The following SNX25 variants were observed in gnomAD, a reference collection of about 807,000 sequenced individuals.
SNX25 encodes sorting nexin 25.
In SNX25, 62 loss-of-function variants were observed where a neutral mutation model predicts 113.7. The ratio of observed to expected loss-of-function variants is 0.55; its 90% CI spans 0.44 to 0.67. SNX25 has a LOEUF of 0.67. Ranked by LOEUF, SNX25 falls within the 30% of genes least tolerant of loss-of-function variation. The pLI, the probability that SNX25 is intolerant of heterozygous loss-of-function variation, is 0.00. For synonymous variants in SNX25, 421 were observed against 436.2 expected (o/e 0.97, Z 0.43); for missense variants, 1,014 against 1,161.0 (o/e 0.87, Z 1.84).
chr4:185,205,064 G>A (rs1167146341), upstream of SNX25, among the ~76,000 whole-genome samples: 1 of 152,246 alleles, frequency 6.6e-6, no homozygotes. Context: ...GTCCCGGGGA[G>A]TTCCAGTAAG....
At chr4:185,368,124 G>A (rs1424133212), downstream of SNX25, among the ~76,000 whole-genome samples, 3 of 152,294 alleles carry the variant, frequency 2.0e-5, no homozygotes, top group African/African-American at 2.4e-5. Flanking sequence ...CTTGCAGAGA[G>A]CCGAGATTGC....
At chr4:185,341,685 G>T (rs1561033476) in intron 11 of SNX25, among the ~76,000 whole-genome samples, 2 of 152,164 alleles carry the variant, frequency 1.3e-5, no homozygotes, top group Admixed American at 1.3e-4. Flanking sequence ...CTGTTTTCTT[G>T]CTGGTTTCCT....
intron 1 of SNX25, among the ~76,000 whole-genome samples, chr4:185,220,587 T>A (rs112281388): frequency 0.093 from 13,818 of 149,074 alleles, 739 homozygotes; most frequent in Non-Finnish European, 0.12. Context: ...GTTCAAGCAA[T>A]TCTCCTGCCT....
Position 185,318,120 on chromosome 4 carries a change from A to G in SNX25, c.1345-2613A>G, listed in dbSNP as rs111823334. Among the ~76,000 whole-genome samples the G allele has an allele frequency of 6.2e-3, 949 of 152,330 alleles. 4 individuals carry two copies. Among genetic ancestry groups the G allele is most frequent in the South Asian group, 0.018 (86 of 4,824 alleles). On this transcript the variant is annotated intron_variant, in intron 7 of 18. Transcript: ENST00000652585. ...AGGGGCTCATTGTTGGTGTCAGAAG[A>G]GTTGAGTGTAATACACTGATGGTAT...
intron 1 of SNX25, among the ~76,000 whole-genome samples, chr4:185,219,073 C>A (rs1045857534): frequency 3.9e-5 from 6 of 152,078 alleles, no homozygotes; most frequent in African/African-American, 1.4e-4. Flanking sequence ...GAGAGAGGTC[C>A]CTGTGCTATG....
At chr4:185,361,608 C>T (rs1468293767) in intron 16 of SNX25, among the ~76,000 whole-genome samples, 1 of 152,074 alleles carries the variant, frequency 6.6e-6, no homozygotes, top group Non-Finnish European at 1.5e-5. Flanking sequence ...CATGGTGGCA[C>T]GTGCCTGTAG....
chr4:185,240,990 C>T (rs1743847993), intron 1 of SNX25, among the ~76,000 whole-genome samples: 1 of 149,930 alleles, frequency 6.7e-6, no homozygotes, highest in Non-Finnish European at 1.5e-5. Flanking sequence ...CCTCACTTTC[C>T]AGACTGGGCA....
intron 1 of SNX25, among the ~76,000 whole-genome samples, chr4:185,221,884 A>C (rs140058351): frequency 1.3e-5 from 2 of 152,174 alleles, no homozygotes; most frequent in Admixed American, 1.3e-4. Flanking sequence ...AGCTTTTCCT[A>C]TCTTTCAACT....
chr4:185,213,380 C>T (rs1227146020), intron 1 of SNX25, among the ~76,000 whole-genome samples: 1 of 152,210 alleles, frequency 6.6e-6, no homozygotes, highest in African/African-American at 2.4e-5. Context: ...TCATCCCAGA[C>T]TTCCGTGGTA....
chr4:185,251,329 A>T (rs1745606729), intron 2 of SNX25, among the ~76,000 whole-genome samples: 2 of 152,302 alleles, frequency 1.3e-5, no homozygotes, highest in African/African-American at 4.8e-5. Context: ...CCACATTATC[A>T]TGCAACCAAT....
chr4:185,319,878 C>T (rs1256459939), intron 7 of SNX25, among the ~76,000 whole-genome samples: 1 of 152,120 alleles, frequency 6.6e-6, no homozygotes, highest in Non-Finnish European at 1.5e-5. Context: ...ATGTTTTCAG[C>T]TCAGCATCAC....
At chr4:185,288,609 G>A (rs904462718) in intron 6 of SNX25, among the ~76,000 whole-genome samples, 2 of 142,366 alleles carry the variant, frequency 1.4e-5, no homozygotes, top group Admixed American at 7.2e-5. Flanking sequence ...GTTTTGTTGG[G>A]GGGTGGGGGG....
Position 185,232,625 on chromosome 4 carries a change from T to G in SNX25, c.430-14669T>G, listed in dbSNP as rs922872807. ...AGGACAGTAATGGAGTACAAAACAG[T>G]GATTGATTTCATGACTAAAGATCTC... On this transcript the variant is annotated intron_variant, in intron 1 of 18. Transcript: ENST00000652585. The surrounding 1 kb of genome is among the most constrained non-coding windows in gnomAD (Gnocchi z 4.4). 6.6e-6 allele frequency among the ~76,000 whole-genome samples: 1 copy of G among 152,138 alleles called. No individual in the cohort carries two copies. Among genetic ancestry groups the G allele is most frequent in the Admixed American group, 6.5e-5 (1 of 15,274 alleles).
intron 14 of SNX25, among the ~76,000 whole-genome samples, chr4:185,352,237 G>A (rs982643765): frequency 4.6e-5 from 7 of 152,286 alleles, no homozygotes; most frequent in African/African-American, 9.6e-5. Flanking sequence ...TTCACACCAC[G>A]GAGGCGCCTT....
At chr4:185,226,885 C>T (rs929416489) in intron 1 of SNX25, among the ~76,000 whole-genome samples, 1 of 89,096 alleles carries the variant, frequency 1.1e-5, no homozygotes, top group Non-Finnish European at 2.6e-5. Flanking sequence ...TATCCCCTTC[C>T]TTTTATTTTT....
rs772805152 is a variant in SNX25 at position 185,288,088 on chromosome 4, A to G, written c.1162+6A>G. On this transcript the variant is annotated splice_donor_region_variant and intron_variant, in intron 6 of 18. Transcript: ENST00000652585. ...CCAACTGAAGAGGCACAAAGGTAAG[A>G]GCCAGGTTGTTTTCTTCAGTTCCAC... is the stretch of plus-strand genomic sequence containing the variant. 6.2e-7 allele frequency: 1 copy of G among 1,612,004 alleles called. No homozygotes were observed. Among genetic ancestry groups the G allele is most frequent in the African/African-American group, 1.3e-5 (1 of 74,844 alleles).
intron 6 of SNX25, among the ~76,000 whole-genome samples, chr4:185,309,430 G>A (rs1754933392): frequency 1.3e-5 from 2 of 152,196 alleles, no homozygotes; most frequent in Admixed American, 6.5e-5. Context: ...CATGTGAGAT[G>A]GAAGACATTG....
chr4:185,274,637 C>T (rs770904206), intron 5 of SNX25, among the ~76,000 whole-genome samples: 4 of 152,142 alleles, frequency 2.6e-5, no homozygotes, highest in Non-Finnish European at 4.4e-5. Flanking sequence ...TTCCTGGACT[C>T]GAACTCTTTG....
chr4:185,313,708 C>T (rs2095048870), intron 7 of SNX25, among the ~76,000 whole-genome samples: 1 of 152,104 alleles, frequency 6.6e-6, no homozygotes, highest in Non-Finnish European at 1.5e-5. Context: ...ACAGTTGGCC[C>T]TTGAACAATG....
Sources: allele counts gnomAD v4.1 joint callset (sites outside exome capture counted in the v4.1 genomes callset), GRCh38; gene constraint gnomAD v4.1.1; non-coding constraint Gnocchi (gnomAD v3.1); transcripts MANE v1.5; gene names NCBI Gene and HGNC (gene_info 2026-07-23, HGNC 2026-07-21).